Variants in ADGRB3 observed in about 807,000 individuals in gnomAD.
ADGRB3 encodes brain-specific angiogenesis inhibitor 3.
In ADGRB3, 37 loss-of-function variants were observed where a neutral mutation model predicts 193.4. The ratio of observed to expected loss-of-function variants is 0.19; its 90% confidence interval spans 0.15 to 0.25. The LOEUF (loss-of-function observed/expected upper bound fraction) is 0.25. Among genes scored for constraint, ADGRB3 ranks in the 10% least tolerant of loss-of-function variants. The pLI, the probability that ADGRB3 is intolerant of heterozygous loss-of-function variation, is 1.00. For synonymous variants in ADGRB3, 690 were observed against 644.2 expected (o/e 1.07, Z -1.08); for missense variants, 1,637 against 1,852.9 (o/e 0.88, Z 2.14).
intron 27 of ADGRB3, among the ~76,000 whole-genome samples, chr6:69,354,687 T>G (rs1403939282): frequency 6.6e-6 from 1 of 152,192 alleles, no homozygotes; most frequent in Non-Finnish European, 1.5e-5. Context: ...GTTCTTGGCC[T>G]TAGTGAAACA....
intron 17 of ADGRB3, among the ~76,000 whole-genome samples, chr6:69,167,689 A>G (rs1400290557): frequency 6.6e-6 from 1 of 152,166 alleles, no homozygotes; most frequent in East Asian, 1.9e-4. Context: ...GCCTTGTGCT[A>G]CATTCCTGAA....
chr6:69,331,472 C>A (rs1482447410), intron 23 of ADGRB3: 4 of 924,008 alleles, frequency 4.3e-6, no homozygotes, highest in Non-Finnish European at 1.3e-6. Context: ...ATGACTCATT[C>A]AAAAAATTGG....
chr6:69,379,935 T>A (rs1162866138), intron 30 of ADGRB3, among the ~76,000 whole-genome samples: 2 of 152,042 alleles, frequency 1.3e-5, no homozygotes, highest in East Asian at 1.9e-4. Flanking sequence ...TTATTCAGAA[T>A]AGCTTTAATA....
chr6:69,248,628 G>A (rs753960919), intron 20 of ADGRB3, among the ~76,000 whole-genome samples: 6 of 152,354 alleles, frequency 3.9e-5, no homozygotes, highest in Non-Finnish European at 7.3e-5. Context: ...TTTAGGCTTT[G>A]TAGGACATAT....
At chr6:68,979,827 T>A (rs1353447055) in intron 10 of ADGRB3, among the ~76,000 whole-genome samples, 1 of 151,414 alleles carries the variant, frequency 6.6e-6, no homozygotes, top group Non-Finnish European at 1.5e-5. Context: ...ATGTGAACAA[T>A]CACAGGCAAC....
intron 10 of ADGRB3, among the ~76,000 whole-genome samples, chr6:68,982,808 C>A (rs1181204694): frequency 1.3e-5 from 2 of 152,156 alleles, no homozygotes; most frequent in African/African-American, 4.8e-5. Context: ...TCTGGCCAAC[C>A]AAATTATATT....
chr6:69,365,780 T>C (rs963779794), intron 29 of ADGRB3, among the ~76,000 whole-genome samples: 2 of 152,058 alleles, frequency 1.3e-5, no homozygotes, highest in African/African-American at 2.4e-5. Context: ...TGGACATGAA[T>C]TATAGAGCTC....
At chr6:68,863,001 C>T (rs1007083086) in intron 3 of ADGRB3, among the ~76,000 whole-genome samples, 8 of 152,088 alleles carry the variant, frequency 5.3e-5, no homozygotes, top group African/African-American at 1.9e-4. Context: ...ATGCTATTCA[C>T]AGCTATGATT....
At chr6:69,091,856 T>C (rs895632370) in intron 17 of ADGRB3, among the ~76,000 whole-genome samples, 1 of 152,134 alleles carries the variant, frequency 6.6e-6, no homozygotes, top group Non-Finnish European at 1.5e-5. Flanking sequence ...ATAAAAATCA[T>C]GTTAAATGTT....
intron 17 of ADGRB3, among the ~76,000 whole-genome samples, chr6:69,145,609 A>G (rs549718697): frequency 6.6e-6 from 1 of 152,296 alleles, no homozygotes; most frequent in East Asian, 1.9e-4. Flanking sequence ...TCCCATGTCC[A>G]GGAAGAATGA....
chr6:69,023,213 A>G (rs1298004567), intron 13 of ADGRB3, among the ~76,000 whole-genome samples: 3 of 152,128 alleles, frequency 2.0e-5, no homozygotes, highest in African/African-American at 7.2e-5. Flanking sequence ...ATAAATGTCT[A>G]ATCTTCTAGC....
intron 3 of ADGRB3, among the ~76,000 whole-genome samples, chr6:68,845,169 A>G (rs574962249): frequency 1.3e-5 from 2 of 152,348 alleles, no homozygotes; most frequent in East Asian, 3.9e-4. Flanking sequence ...CACACTTAGC[A>G]TGATGTGACT....
chr6:69,041,574 A>G (rs1294774375), intron 13 of ADGRB3, among the ~76,000 whole-genome samples: 3 of 152,144 alleles, frequency 2.0e-5, no homozygotes, highest in Non-Finnish European at 4.4e-5. Context: ...TAAAATGAGC[A>G]TCTTGATAAT....
At chr6:69,085,356 G>A (rs367838071) in intron 17 of ADGRB3, among the ~76,000 whole-genome samples, 23 of 152,112 alleles carry the variant, frequency 1.5e-4, no homozygotes, top group African/African-American at 5.3e-4. Flanking sequence ...CTTTACACAA[G>A]AATTTTAAAG....
intron 17 of ADGRB3, among the ~76,000 whole-genome samples, chr6:69,231,759 A>C (rs560380470): frequency 5.3e-5 from 8 of 152,318 alleles, no homozygotes; most frequent in African/African-American, 1.9e-4. Flanking sequence ...TATTGGGGTA[A>C]AGTTAGGTAG....
chr6:68,865,137 G>A (rs1456791138), intron 3 of ADGRB3, among the ~76,000 whole-genome samples: 1 of 152,016 alleles, frequency 6.6e-6, no homozygotes, highest in African/African-American at 2.4e-5. Flanking sequence ...AATACCAACA[G>A]AAACCTGAGT....
rs181281256 is a variant in ADGRB3 at position 69,000,512 on chromosome 6, A to G, written c.1929+6550A>G. ...ACTTATTTTCTATGTAAGGTATAGG[A>G]TAACTTTGTTGTGCTTAAGATCACT... On this transcript the variant is annotated intron_variant, in intron 11 of 31. Coordinates refer to ENST00000370598, the MANE Select transcript of ADGRB3 (RefSeq NM_001704.3). Among the ~76,000 whole-genome samples, 817 of 152,300 alleles carry G rather than the reference A, an allele frequency of 5.4e-3. 5 individuals carry two copies. Among genetic ancestry groups the G allele is most frequent in the Non-Finnish European group, 8.5e-3 (579 of 68,022 alleles).
At chr6:68,686,649 A>G (rs909598913) in intron 3 of ADGRB3, among the ~76,000 whole-genome samples, 11 of 152,196 alleles carry the variant, frequency 7.2e-5, no homozygotes, top group African/African-American at 2.4e-4. Context: ...AAGCTGAACC[A>G]ACTGAGATAT....
At chr6:68,813,874 A>C (rs1045161960) in intron 3 of ADGRB3, among the ~76,000 whole-genome samples, 1 of 152,162 alleles carries the variant, frequency 6.6e-6, no homozygotes, top group African/African-American at 2.4e-5. Context: ...TGTCCCTACA[A>C]AGGACATGAA....
Sources: gnomAD v4.1 joint callset for allele counts (sites outside exome capture counted in the v4.1 genomes callset) on GRCh38, gnomAD v4.1.1 for gene constraint, MANE v1.5 for transcripts, NCBI Gene and HGNC (gene_info 2026-07-23, HGNC 2026-07-21) for gene names.